TMPRSS11A: variants seen among roughly 807,000 people sequenced by gnomAD.
TMPRSS11A encodes the protein transmembrane serine protease 11A, also known as transmembrane protease serine 11A.
In TMPRSS11A, 53 loss-of-function variants were observed where a neutral mutation model predicts 58.9. That is an observed-to-expected ratio of 0.90 (90% CI 0.72 to 1.13). The LOEUF (loss-of-function observed/expected upper bound fraction) is 1.13, where lower values mean the gene tolerates loss of function less well. TMPRSS11A is among the 50% of genes most tolerant of loss of function. The pLI is 0.00. For missense variants in TMPRSS11A, 493 were observed against 499.3 expected, an observed-to-expected ratio of 0.99 and a Z score of 0.12; for synonymous variants, 167 against 169.8, an observed-to-expected ratio of 0.98 and a Z score of 0.13.
At chr4:67,930,517 T>G (rs1000782092) in intron 4 of TMPRSS11A, among the ~76,000 whole-genome samples, 1 of 152,074 alleles carries the variant, frequency 6.6e-6, no homozygotes, top group African/African-American at 2.4e-5. Context: ...GAAATATGTC[T>G]CCCTATATCT....
chr4:67,956,167 G>C (rs914569163), intron 1 of TMPRSS11A, among the ~76,000 whole-genome samples: 1 of 152,112 alleles, frequency 6.6e-6, no homozygotes, highest in Admixed American at 6.6e-5. Flanking sequence ...TCCTACTCTA[G>C]GTCAGGAGGT....
chr4:67,911,944 T>C (rs2109729858), intron 9 of TMPRSS11A, among the ~76,000 whole-genome samples: 1 of 152,312 alleles, frequency 6.6e-6, no homozygotes, highest in South Asian at 2.1e-4. Context: ...GTTAGGGATT[T>C]AGTTGTTTTA....
chr4:67,957,426 T>G (rs2109772367), intron 1 of TMPRSS11A, among the ~76,000 whole-genome samples: 1 of 152,298 alleles, frequency 6.6e-6, no homozygotes, highest in East Asian at 1.9e-4. Flanking sequence ...AGGAACTTGT[T>G]GGGAACCAGA....
chr4:67,926,786 G>T (rs933070777), intron 5 of TMPRSS11A, among the ~76,000 whole-genome samples: 1 of 152,160 alleles, frequency 6.6e-6, no homozygotes, highest in East Asian at 1.9e-4. Flanking sequence ...GAGCAGCTTG[G>T]TCAGGCACGG....
At chr4:67,917,057 A>C (rs1356303053) in intron 8 of TMPRSS11A, among the ~76,000 whole-genome samples, 1 of 152,074 alleles carries the variant, frequency 6.6e-6, no homozygotes, top group African/African-American at 2.4e-5. Flanking sequence ...TTTCTAGCAA[A>C]ATATTGATTT....
rs368500267 is a variant in TMPRSS11A, at chr4:67,919,064, G to A, written c.861C>T (p.Asp287=). The change falls in exon 8 of 10, where the codon GAC becomes GAT. Residue 287 remains aspartate, a synonymous_variant. Transcript: ENST00000508048. ...QVSSRVTFSD[D]IRQICLPEAS... Reference sequence around the variant, plus strand: ...CTTCTGGCAAACAAATCTGGCGTATGTCATCCGAAAAGGTGACTCTGGAAG... The same window carrying A: ...CTTCTGGCAAACAAATCTGGCGTATATCATCCGAAAAGGTGACTCTGGAAG... 5.9e-5 allele frequency: 96 copies of A among 1,614,038 alleles called. No homozygotes were observed. Among genetic ancestry groups the A allele is most frequent in the Non-Finnish European group, 7.9e-5 (93 of 1,180,020 alleles).
rs868803724 is a variant in TMPRSS11A, at chr4:67,919,028, G to A, written c.897C>T (p.Ser299=). ...RQICLPEASA[S]FQPNLTVHIT... ...TGTGGACAGTCAAATTTGGTTGGAA[G>A]GATGCAGAGGCTTCTGGCAAACAAA... Residue 299 remains serine, a synonymous_variant, in exon 8 of 10, where the codon TCC becomes TCT. Transcript: ENST00000508048. The A allele has an allele frequency of 3.7e-6, 6 of 1,614,186 alleles. No homozygotes were observed. Among genetic ancestry groups the A allele is most frequent in the Non-Finnish European group, 5.1e-6 (6 of 1,180,022 alleles).
rs140258889 is a variant in TMPRSS11A at position 67,952,007 on chromosome 4, A to G, written c.12-5436T>C. Among the ~76,000 whole-genome samples, 6 of 152,312 alleles carry G rather than the reference A, an allele frequency of 3.9e-5. No individual in the cohort carries two copies. The East Asian group carries it at 9.6e-4, about 24-fold the overall frequency. On this transcript the variant is annotated intron_variant, in intron 1 of 9. Transcript: ENST00000508048. ...AAGCAACCTTCTGTGGTGACTTAAT[A>G]TACTCTGATATGTGGATATCTGTCT... is the stretch of plus-strand genomic sequence containing the variant.
chr4:67,928,839 G>T (rs1178352043), intron 5 of TMPRSS11A, among the ~76,000 whole-genome samples: 4 of 152,150 alleles, frequency 2.6e-5, no homozygotes, highest in Non-Finnish European at 5.9e-5. Flanking sequence ...AAAATCGCTT[G>T]CCCTGAATCT....
chr4:67,935,512 TTATATATTTATGCAATATATTCAC>T (rs1478024715), intron 3 of TMPRSS11A, among the ~76,000 whole-genome samples: 4 of 152,278 alleles, frequency 2.6e-5, no homozygotes, highest in Admixed American at 2.6e-4. Context: ...TAAACATATA[TTATATATTTATGCAATATATTCAC>T]TATATATTTA....
At chr4:67,934,171 G>A (rs1271843204) in intron 3 of TMPRSS11A, among the ~76,000 whole-genome samples, 2 of 152,122 alleles carry the variant, frequency 1.3e-5, no homozygotes, top group Admixed American at 1.3e-4. Flanking sequence ...CTACATCGGA[G>A]GAGGCCTTAG....
Position 67,918,971 on chromosome 4 carries a change from A to T in TMPRSS11A, c.952+2T>A, listed in dbSNP as rs750917820. 1.2e-6 allele frequency: 2 copies of T among 1,614,090 alleles called. No homozygotes were observed. The highest frequency in any genetic ancestry group is 3.3e-5 in the Admixed American group (2 of 60,022). On this transcript the variant is annotated splice_donor_variant, in intron 8 of 9. Transcript: ENST00000508048. LOFTEE classifies it high-confidence loss of function. ...CTCTGTTAGCTATCCTGAGATACCC[A>T]CCACCATAGTAAAGTGCTCCAAATC...
intron 3 of TMPRSS11A, among the ~76,000 whole-genome samples, chr4:67,932,841 T>C (rs935702438): frequency 1.3e-5 from 2 of 152,114 alleles, no homozygotes; most frequent in Non-Finnish European, 2.9e-5. Context: ...GTTACTCAGT[T>C]TATGTCACCA....
chr4:67,926,798 G>C (rs1720484311), intron 5 of TMPRSS11A, among the ~76,000 whole-genome samples: 1 of 152,198 alleles, frequency 6.6e-6, no homozygotes, highest in South Asian at 2.1e-4. Flanking sequence ...CAGGCACGGA[G>C]GGGTGGGCAG....
At chr4:67,913,099 G>A (rs975790226) in intron 9 of TMPRSS11A, among the ~76,000 whole-genome samples, 1 of 152,092 alleles carries the variant, frequency 6.6e-6, no homozygotes, top group African/African-American at 2.4e-5. Context: ...ATTTCCAGAG[G>A]TGATTCTTAC....
rs1038833130 is a variant in TMPRSS11A at position 67,911,288 on chromosome 4, T to C, written c.*54A>G. On this transcript the variant is annotated 3_prime_UTR_variant, in exon 10 of 10. Transcript: ENST00000508048. ...TACTACACCCACTAAATAGTTGAATTCTCATGCATATATGACCTGCATACA... is the reference window on the plus strand; with the variant it reads ...TACTACACCCACTAAATAGTTGAATCCTCATGCATATATGACCTGCATACA... 9 of 1,531,610 alleles carry C rather than the reference T, an allele frequency of 5.9e-6. No homozygotes were observed. The East Asian group carries it at 2.0e-4, about 35-fold the overall frequency. 94.9% of individuals were successfully genotyped at this position (1,531,610 alleles called of 1,614,324 possible). A position where few individuals can be genotyped will look rare whatever the true frequency, so the allele number is the denominator to read the frequency against.
chr4:67,914,851 T>G (rs774713576), intron 8 of TMPRSS11A, 121 bp from the exon 9 acceptor site: 7 of 747,996 alleles, frequency 9.4e-6, no homozygotes, highest in Non-Finnish European at 1.5e-5. Flanking sequence ...GAAGTTAATA[T>G]AAGCAGTTTC....
At chr4:67,914,765 A>G (rs768361557) in intron 8 of TMPRSS11A, 35 bp from the exon 9 acceptor site, 1 of 1,588,752 alleles carries the variant, frequency 6.3e-7, no homozygotes, top group East Asian at 2.3e-5. Flanking sequence ...AGTATTTACA[A>G]TCAGCATCTT....
At chr4:67,936,873 A>G (rs189943943) in intron 3 of TMPRSS11A, among the ~76,000 whole-genome samples, 8 of 152,350 alleles carry the variant, frequency 5.3e-5, no homozygotes, top group Admixed American at 5.2e-4. Flanking sequence ...AGATCTTTGA[A>G]TTGCTTTTGT....
Sources: allele counts gnomAD v4.1 joint callset (sites outside exome capture counted in the v4.1 genomes callset), GRCh38; gene constraint gnomAD v4.1.1; transcripts MANE v1.5; gene names NCBI Gene and HGNC (gene_info 2026-07-23, HGNC 2026-07-21).